The following PRKCD variants were observed in gnomAD, a reference collection of about 807,000 sequenced individuals.
PRKCD encodes the protein protein kinase C delta type.
A neutral mutation model predicts 82.2 loss-of-function variants in PRKCD; 20 were observed. The ratio of observed to expected loss-of-function variants is 0.24; its 90% CI spans 0.17 to 0.35. PRKCD has a LOEUF of 0.35. Among genes scored for constraint, PRKCD ranks in the 10% least tolerant of loss-of-function variants. The pLI is 1.00. For synonymous variants in PRKCD, 317 were observed against 337.0 expected (o/e 0.94, Z 0.65); for missense variants, 607 against 899.0 (o/e 0.68, Z 4.15).
At chr3:53,161,642 C>T (rs935075524) in intron 1 of PRKCD, 1 of 152,114 alleles carries the variant, frequency 6.6e-6, no homozygotes, top group Non-Finnish European at 1.5e-5. Context: ...GTCCTTCTGT[C>T]TGCCCGCTCC....
chr3:53,168,663 G>C (rs146834884), intron 2 of PRKCD, among the ~76,000 whole-genome samples: 147 of 151,938 alleles, frequency 9.7e-4, no homozygotes, highest in Non-Finnish European at 1.7e-3. Flanking sequence ...CGATGGGAAG[G>C]AGCCACTGTG....
chr3:53,170,819 G>A (rs1475377486), intron 2 of PRKCD, among the ~76,000 whole-genome samples: 1 of 152,234 alleles, frequency 6.6e-6, no homozygotes. Context: ...CTCTGTGCCA[G>A]TGTGTACATC....
intron 6 of PRKCD, 40 bp downstream of exon 6, chr3:53,181,646 G>T: frequency 1.2e-6 from 2 of 1,613,280 alleles, no homozygotes; most frequent in African/African-American, 1.3e-5. Context: ...GTGCAGGGTA[G>T]TGGGGGCCGA....
rs782181425 is a variant in PRKCD at position 53,181,298 on chromosome 3, T to G, written c.376+31T>G. 24 of 1,612,508 alleles carry G rather than the reference T, an allele frequency of 1.5e-5. No homozygotes were observed. The East Asian group carries it at 2.2e-4, about 15-fold the overall frequency. On this transcript the variant is annotated intron_variant, in intron 5 of 18. Transcript: ENST00000330452. The stretch of plus-strand genomic sequence containing the variant: ...AACTCCCTGGGGGTGGAGGGCTCCC[T>G]TGCCGGGTTCAGAGGCAGAGCCAGC...
At chr3:53,170,937 C>CTGTGTGTGTGTGTG (rs3075732) in intron 2 of PRKCD, among the ~76,000 whole-genome samples, 2 of 149,482 alleles carry the variant, frequency 1.3e-5, no homozygotes, top group Admixed American at 6.6e-5. Context: ...ATGTGTGTTT[C>CTGTGTGTGTGTGTG]TGTGTGTGTG....
intron 7 of PRKCD, among the ~76,000 whole-genome samples, chr3:53,182,658 G>T (rs1267666862): frequency 6.6e-6 from 1 of 152,222 alleles, no homozygotes; most frequent in Admixed American, 6.5e-5. Context: ...TATTTTAAGT[G>T]CCTTCCACTG....
chr3:53,176,963 G>A (rs1289632576), intron 2 of PRKCD, among the ~76,000 whole-genome samples: 3 of 152,122 alleles, frequency 2.0e-5, no homozygotes, highest in Non-Finnish European at 4.4e-5. Flanking sequence ...CCAAGTAGCT[G>A]GGATTATAGG....
At chr3:53,166,109 G>A (rs1445524801) in intron 2 of PRKCD, among the ~76,000 whole-genome samples, 3 of 152,148 alleles carry the variant, frequency 2.0e-5, no homozygotes, top group African/African-American at 4.8e-5. Context: ...TGGCTGTTAC[G>A]CACCTATAGG....
chr3:53,183,073 C>T, intron 7 of PRKCD, 48 bp from the exon 8 acceptor site: 1 of 1,590,624 alleles, frequency 6.3e-7, no homozygotes, highest in Non-Finnish European at 8.6e-7. Flanking sequence ...TAGACTCTGC[C>T]CCTCCCGGTG....
chr3:53,178,343 G>A (rs1703289319), intron 2 of PRKCD, 61 bp from the exon 3 acceptor site: 3 of 1,137,984 alleles, frequency 2.6e-6, no homozygotes, highest in Non-Finnish European at 3.8e-6. Flanking sequence ...CCTGAGTGCT[G>A]CCCGTGACTG....
intron 9 of PRKCD, among the ~76,000 whole-genome samples, 199 bp from the exon 10 acceptor site, chr3:53,184,675 C>CAAAAA (rs535517121): frequency 8.6e-6 from 1 of 116,816 alleles, no homozygotes. Context: ...AACTCCATCT[C>CAAAAA]AAAAAAAAAA....
chr3:53,171,378 G>A (rs1703024589), intron 2 of PRKCD, among the ~76,000 whole-genome samples: 1 of 152,158 alleles, frequency 6.6e-6, no homozygotes, highest in African/African-American at 2.4e-5. Flanking sequence ...CCCAAGTCCT[G>A]CCCCTCTGAA....
Position 53,192,404 on chromosome 3 carries a change from C to T in PRKCD, c.*138C>T, listed in dbSNP as rs59159087. On this transcript the variant is annotated 3_prime_UTR_variant, in exon 19 of 19. Transcript: ENST00000330452. ...AGAGCGTCCTTGGCTGCCGTCTGGC[C>T]GGGCTCTCATGGTACTTCCTCTGTG... The T allele has an allele frequency of 1.6e-3, 1,652 of 1,007,880 alleles. 22 individuals are homozygous for T. The African/African-American group carries it at 0.024, about 15-fold the overall frequency. The allele number at this position is 1,007,880 out of a possible 1,614,324, so 62.4% of individuals were successfully genotyped here. A position where few individuals can be genotyped will look rare whatever the true frequency, so the allele number is the denominator to read the frequency against.
chr3:53,177,122 G>A (rs900848283), intron 2 of PRKCD, among the ~76,000 whole-genome samples: 14 of 152,064 alleles, frequency 9.2e-5, no homozygotes, highest in East Asian at 3.9e-4. Context: ...GAGCCACCGC[G>A]CCTAGGCAGT....
chr3:53,167,155 G>T (rs541500023), intron 2 of PRKCD, among the ~76,000 whole-genome samples: 7 of 152,330 alleles, frequency 4.6e-5, no homozygotes, highest in African/African-American at 1.7e-4. Context: ...CTTCCTCTGA[G>T]CTGCCCAGGA....
At chr3:53,163,900 C>T (rs781857650) in intron 1 of PRKCD, among the ~76,000 whole-genome samples, 15 of 152,126 alleles carry the variant, frequency 9.9e-5, no homozygotes, top group East Asian at 3.8e-4. Context: ...TCAGTAGTAG[C>T]GATGGGGGAG....
intron 1 of PRKCD, among the ~76,000 whole-genome samples, chr3:53,164,561 C>T (rs868908069): frequency 2.0e-5 from 3 of 150,902 alleles, no homozygotes; most frequent in East Asian, 1.9e-4. Flanking sequence ...CCAGCCTGGG[C>T]GATAGAGTGA....
intron 17 of PRKCD, 56 bp downstream of exon 17, chr3:53,189,302 C>A: frequency 1.3e-6 from 2 of 1,517,422 alleles, no homozygotes; most frequent in South Asian, 1.3e-5. Context: ...CAGGGGCTGG[C>A]AGACACTGGG....
chr3:53,168,547 A>G (rs975606785), intron 2 of PRKCD, among the ~76,000 whole-genome samples: 1 of 152,064 alleles, frequency 6.6e-6, no homozygotes, highest in Non-Finnish European at 1.5e-5. Context: ...ATCCTTGCTC[A>G]ATATTTACTG....
Sources: allele counts gnomAD v4.1 joint callset (sites outside exome capture counted in the v4.1 genomes callset), GRCh38; gene constraint gnomAD v4.1.1; transcripts MANE v1.5; gene names NCBI Gene and HGNC (gene_info 2026-07-23, HGNC 2026-07-21).